Variants in CAMK2B observed in about 807,000 individuals in gnomAD.
The protein encoded by CAMK2B is calcium/calmodulin-dependent protein kinase type II subunit beta.
A neutral mutation model predicts 93.7 loss-of-function variants in CAMK2B; 27 were observed. The observed-to-expected ratio is 0.29, with a 90% CI of 0.21 to 0.40. The LOEUF is 0.40. Among genes scored for constraint, CAMK2B ranks in the 10% least tolerant of loss-of-function variants. The probability of loss-of-function intolerance (pLI) is 1.00; values close to 1 mark genes in which losing one functional copy is unlikely to be tolerated. For synonymous variants in CAMK2B, 374 were observed against 358.8 expected (o/e 1.04, Z -0.48); for missense variants, 568 against 895.8 (o/e 0.63, Z 4.67).
chr7:44,234,660 G>A lies in CAMK2B; in HGVS notation c.1038C>T (p.Asn346=). 6.2e-7 allele frequency: 1 copy of A among 1,614,096 alleles called. No homozygotes were observed. The highest frequency in any genetic ancestry group is 8.5e-7 in the Non-Finnish European group (1 of 1,179,954). Residue 346 remains asparagine (N), a synonymous_variant, in exon 14 of 24, where the codon AAC becomes AAT. Coordinates refer to ENST00000395749, the MANE Select transcript of CAMK2B (RefSeq NM_001220.5). ...TCACCTTGACTCCATCTGCTTTCTT[G>A]TTGAGTAAACTCTTGGCTGCTGCAT... ...GLVEQAKSLL[N]KKADGVKPQT...
rs1409588371 is a variant in CAMK2B at position 44,220,864 on chromosome 7, G to A, written c.1635C>T (p.Leu545=). The A allele has an allele frequency of 1.3e-6, 2 of 1,573,298 alleles. No individual in the cohort carries two copies. Among genetic ancestry groups the A allele is most frequent in the East Asian group, 4.7e-5 (2 of 42,964 alleles). Residue 545 remains leucine (L), a synonymous_variant, in exon 21 of 24, where the codon CTC becomes CTT. Coordinates refer to ENST00000395749, the MANE Select transcript of CAMK2B (RefSeq NM_001220.5). ...KQEIIKTTEQ[L]IEAVNNGDFE... is the part of the protein sequence containing the mutation. ...AGTCACCGTTGTTGACGGCCTCGAT[G>A]AGCTGCTCCGTGGTCTTAATGATCT...
chr7:44,302,532 A>T (rs1480665599), intron 1 of CAMK2B, among the ~76,000 whole-genome samples: 2 of 152,226 alleles, frequency 1.3e-5, no homozygotes. Context: ...TGAATCCAAC[A>T]ATGTATAAAA....
At chr7:44,257,064 G>A (rs553264519) in intron 4 of CAMK2B, among the ~76,000 whole-genome samples, 1 of 152,180 alleles carries the variant, frequency 6.6e-6, no homozygotes, top group Non-Finnish European at 1.5e-5. Flanking sequence ...TGGGCGTGCA[G>A]GTGTGTGTGA....
intron 13 of CAMK2B, among the ~76,000 whole-genome samples, chr7:44,238,942 A>T (rs1407566820): frequency 6.6e-6 from 1 of 152,052 alleles, no homozygotes; most frequent in Non-Finnish European, 1.5e-5. Context: ...CTGGCCCCGC[A>T]CAGCCCAGAG....
intron 2 of CAMK2B, among the ~76,000 whole-genome samples, chr7:44,283,798 C>G (rs1784350266): frequency 6.6e-6 from 1 of 152,250 alleles, no homozygotes; most frequent in Non-Finnish European, 1.5e-5. Flanking sequence ...GCAGAGACCC[C>G]CATACACGGG....
In CAMK2B at chr7:44,323,692, G is replaced by A. The variant is rs143375046; in HGVS notation, c.65+1665C>T. 2.8e-3 allele frequency: 428 copies of A among 155,074 alleles called. 2 individuals carry two copies. Among genetic ancestry groups the A allele is most frequent in the African/African-American group, 9.7e-3 (402 of 41,646 alleles). The allele number at this position is 155,074 out of a possible 1,614,324, so 9.6% of individuals were successfully genotyped here. On this transcript the variant is annotated intron_variant, in intron 1 of 23. Transcript: ENST00000395749. ...GGAGAAGACCAGGGACACCTGCTGT[G>A]AGGGCCTCTGTGCTTCTGAGCGCAA...
At chr7:44,315,652 GGA>G (rs1794678832) in intron 1 of CAMK2B, among the ~76,000 whole-genome samples, 1 of 152,122 alleles carries the variant, frequency 6.6e-6, no homozygotes, top group African/African-American at 2.4e-5. Flanking sequence ...AGGTCAATTT[GGA>G]GTATACTACT....
chr7:44,231,199 T>A, intron 16 of CAMK2B, 145 bp from the exon 17 acceptor site: 1 of 669,616 alleles, frequency 1.5e-6, no homozygotes, highest in Non-Finnish European at 2.6e-6. Flanking sequence ...CCACGGGGCT[T>A]AAAGGCCAGG....
At chr7:44,309,359 T>C (rs1420447017) in intron 1 of CAMK2B, among the ~76,000 whole-genome samples, 2 of 152,148 alleles carry the variant, frequency 1.3e-5, no homozygotes, top group Admixed American at 1.3e-4. Flanking sequence ...TTAAGGCCAC[T>C]GAGCTCTCAG....
At chr7:44,254,645 A>G (rs758036519) in intron 4 of CAMK2B, 38 bp from the exon 5 acceptor site, 169 of 1,450,642 alleles carry the variant, frequency 1.2e-4, no homozygotes, top group Non-Finnish European at 1.5e-4. Context: ...GATTCTGGAG[A>G]CCCCTGTCAC....
Position 44,225,508 on chromosome 7 carries a change from G to C in CAMK2B, c.1597+1008C>G, listed in dbSNP as rs544128705. Among the ~76,000 whole-genome samples the C allele has an allele frequency of 5.6e-4, 85 of 152,218 alleles. No individual in the cohort carries two copies. The highest frequency in any genetic ancestry group is 1.0e-3 in the Non-Finnish European group (71 of 67,992). ...CCTCTGATCCCCTCAGTCAACCCCT[G>C]CTGGGGGTCCTCAGCCGACCACAGA... On this transcript the variant is annotated intron_variant, in intron 20 of 23. Coordinates refer to ENST00000395749, the MANE Select transcript of CAMK2B (RefSeq NM_001220.5). This position sits in a 1 kb window ranked among gnomAD's most constrained non-coding sequence, Gnocchi z 5.0.
intron 18 of CAMK2B, chr7:44,229,183 A>G (rs2096553329): frequency 1.6e-6 from 1 of 614,468 alleles, no homozygotes; most frequent in Non-Finnish European, 3.0e-6. Flanking sequence ...GGCCTTGAGC[A>G]GGAAAGTGGT....
intron 2 of CAMK2B, among the ~76,000 whole-genome samples, chr7:44,275,684 T>C (rs1413914400): frequency 2.0e-5 from 3 of 152,370 alleles, no homozygotes; most frequent in South Asian, 2.1e-4. Flanking sequence ...CATCTTTTGA[T>C]TGTAAATCAT....
rs199584277 is a variant in CAMK2B at position 44,316,241 on chromosome 7, G to GT, written c.65+9115dup. On this transcript the variant is annotated intron_variant, in intron 1 of 23. Coordinates refer to ENST00000395749, the MANE Select transcript of CAMK2B (RefSeq NM_001220.5). ...GAGTTTTTATCATGAAATGGTATTG[G>GT]TTTTTTTTTAAATGCTTTTTCTGCA... 9.2e-3 allele frequency among the ~76,000 whole-genome samples: 1,386 copies of GT among 151,280 alleles called. 12 individuals are homozygous for GT. The highest frequency in any genetic ancestry group is 0.024 in the Middle Eastern group (7 of 292).
At chr7:44,321,328 A>C (rs1796027917) in intron 1 of CAMK2B, among the ~76,000 whole-genome samples, 1 of 152,176 alleles carries the variant, frequency 6.6e-6, no homozygotes, top group Admixed American at 6.5e-5. Context: ...CACACACCCC[A>C]GGATATAGTC....
chr7:44,311,298 A>T lies in CAMK2B; in HGVS notation c.65+14059T>A, dbSNP rs1378960361. On this transcript the variant is annotated intron_variant, in intron 1 of 23. Transcript: ENST00000395749. The surrounding 1 kb of genome is among the most constrained non-coding windows in gnomAD (Gnocchi z 4.2). ...ACCATGTTGGCCAGGCTGGTCTCGAACTCCTGACTTCAAGTGATCCGCCCA... is the reference window on the plus strand; with the variant it reads ...ACCATGTTGGCCAGGCTGGTCTCGATCTCCTGACTTCAAGTGATCCGCCCA... 2.0e-5 allele frequency among the ~76,000 whole-genome samples: 3 copies of T among 152,044 alleles called. No individual in the cohort carries two copies. In the East Asian group the frequency reaches 5.8e-4, roughly 29 times the overall value.
chr7:44,306,444 C>A (rs1791535247), intron 1 of CAMK2B, among the ~76,000 whole-genome samples: 1 of 152,222 alleles, frequency 6.6e-6, no homozygotes, highest in South Asian at 2.1e-4. Context: ...TGGCCATGAC[C>A]CCAGTGGGGA....
chr7:44,249,756 T>G (rs1345934439), intron 5 of CAMK2B, among the ~76,000 whole-genome samples: 1 of 152,078 alleles, frequency 6.6e-6, no homozygotes, highest in East Asian at 1.9e-4. Context: ...AGTTGAACCT[T>G]CCTCATCGAC....
intron 5 of CAMK2B, 90 bp downstream of exon 5, chr7:44,254,452 G>A: frequency 1.1e-6 from 1 of 931,962 alleles, no homozygotes; most frequent in Non-Finnish European, 1.8e-6. Flanking sequence ...CACCAGACGT[G>A]GGTTAGAAAG....
Sources: gnomAD v4.1 joint callset for allele counts (sites outside exome capture counted in the v4.1 genomes callset) on GRCh38, gnomAD v4.1.1 for gene constraint, Gnocchi (gnomAD v3.1) non-coding constraint, MANE v1.5 for transcripts, NCBI Gene and HGNC (gene_info 2026-07-23, HGNC 2026-07-21) for gene names.